EYS: variants seen among roughly 807,000 people sequenced by gnomAD.
EYS encodes EGF-like photoreceptor maintenance factor.
EYS carries 250 observed loss-of-function variants against 282.1 expected under a neutral mutation model. The ratio of observed to expected loss-of-function variants is 0.89; its 90% CI spans 0.80 to 0.98. EYS has a LOEUF of 0.98. EYS is among the 50% of genes least tolerant of loss of function. EYS has a pLI of 0.00. For synonymous variants in EYS, 1,355 were observed against 1,282.9 expected, an observed-to-expected ratio of 1.06 and a Z score of -1.20; for missense variants, 4,016 against 3,709.0, an observed-to-expected ratio of 1.08 and a Z score of -2.15.
intron 22 of EYS, among the ~76,000 whole-genome samples, chr6:64,703,410 C>CACACATATAT (rs1447947508): frequency 9.7e-5 from 5 of 51,532 alleles, no homozygotes; most frequent in African/African-American, 3.8e-4. Flanking sequence ...CACACACACA[C>CACACATATAT]ATATATATAT....
At chr6:65,502,455 T>C (rs185839330) in intron 2 of EYS, among the ~76,000 whole-genome samples, 1 of 151,884 alleles carries the variant, frequency 6.6e-6, no homozygotes, top group African/African-American at 2.4e-5. Flanking sequence ...CCGAATGTTC[T>C]CATGTGTACC....
chr6:63,874,865 T>C (rs772086565), intron 35 of EYS, among the ~76,000 whole-genome samples: 4 of 152,200 alleles, frequency 2.6e-5, no homozygotes, highest in Non-Finnish European at 5.9e-5. Flanking sequence ...CCTAAGGAGA[T>C]TGTGGGCTGA....
intron 33 of EYS, among the ~76,000 whole-genome samples, chr6:64,015,366 T>C (rs1768842681): frequency 6.6e-6 from 1 of 152,170 alleles, no homozygotes; most frequent in African/African-American, 2.4e-5. Flanking sequence ...AAACTAAATA[T>C]TGCAAGGCTC....
chr6:64,172,064 G>A (rs1217824663), intron 31 of EYS, among the ~76,000 whole-genome samples: 1 of 152,124 alleles, frequency 6.6e-6, no homozygotes. Context: ...GTTTTAAGAA[G>A]AGGGATGGCA....
At chr6:65,576,703 T>C (rs371179098) in intron 2 of EYS, among the ~76,000 whole-genome samples, 146 of 151,946 alleles carry the variant, frequency 9.6e-4, no homozygotes, top group African/African-American at 3.4e-3. Flanking sequence ...CCAAAAACTG[T>C]TAGAACTAAT....
chr6:65,559,798 G>A (rs958052850), intron 2 of EYS, among the ~76,000 whole-genome samples: 16 of 151,706 alleles, frequency 1.1e-4, no homozygotes, highest in Non-Finnish European at 2.2e-4. Flanking sequence ...TCCAATTTTT[G>A]AATTTATGGT....
At chr6:63,854,920 A>C (rs1055711083) in intron 36 of EYS, among the ~76,000 whole-genome samples, 1 of 152,198 alleles carries the variant, frequency 6.6e-6, no homozygotes, top group African/African-American at 2.4e-5. Flanking sequence ...TGTAGACCTC[A>C]TGAAACCCAC....
intron 12 of EYS, among the ~76,000 whole-genome samples, chr6:65,286,460 A>C (rs1435656832): frequency 6.6e-6 from 1 of 151,750 alleles, no homozygotes; most frequent in Non-Finnish European, 1.5e-5. Context: ...TTCTTGATTA[A>C]ATTTTTAAAA....
At chr6:65,648,123 T>C (rs1042456156) in intron 1 of EYS, among the ~76,000 whole-genome samples, 9 of 152,186 alleles carry the variant, frequency 5.9e-5, no homozygotes, top group African/African-American at 1.9e-4. Flanking sequence ...ATGTGGAGAT[T>C]CCTTAAAGAA....
intron 19 of EYS, among the ~76,000 whole-genome samples, chr6:64,839,374 G>T (rs1249037892): frequency 6.6e-6 from 1 of 151,812 alleles, no homozygotes; most frequent in Admixed American, 6.6e-5. Flanking sequence ...TCATTACATG[G>T]TCTTTCAGAT....
chr6:63,999,004 A>G, intron 34 of EYS, 71 bp downstream of exon 34: 1 of 923,368 alleles, frequency 1.1e-6, no homozygotes, highest in Non-Finnish European at 1.7e-6. Flanking sequence ...ACTGCTTAGT[A>G]ACATAAAAAA....
intron 35 of EYS, among the ~76,000 whole-genome samples, chr6:63,891,715 C>G (rs1773413372): frequency 1.3e-5 from 2 of 152,066 alleles, no homozygotes; most frequent in Admixed American, 1.3e-4. Flanking sequence ...TTTCTACATA[C>G]TATTGGAAGT....
chr6:63,825,568 G>A (rs1396007522), intron 36 of EYS, among the ~76,000 whole-genome samples: 4 of 152,316 alleles, frequency 2.6e-5, no homozygotes, highest in African/African-American at 7.2e-5. Context: ...CACATTACAG[G>A]AATCTATGCC....
chr6:64,025,367 C>T (rs924547041), intron 33 of EYS, among the ~76,000 whole-genome samples: 37 of 152,222 alleles, frequency 2.4e-4, no homozygotes, highest in Admixed American at 6.5e-4. Context: ...CAGCCATGAG[C>T]GGAACTCTCA....
At chr6:65,024,601 G>A (rs1421862480) in intron 13 of EYS, among the ~76,000 whole-genome samples, 1 of 135,410 alleles carries the variant, frequency 7.4e-6, no homozygotes. Context: ...AGATATTGTA[G>A]GCATTTTCAT....
chr6:65,679,340 A>G (rs2149837483), intron 1 of EYS, among the ~76,000 whole-genome samples: 1 of 152,094 alleles, frequency 6.6e-6, no homozygotes, highest in East Asian at 1.9e-4. Flanking sequence ...GTATGTATAA[A>G]ATAGAATATT....
At chr6:64,231,743 T>A (rs1766432187) in intron 30 of EYS, among the ~76,000 whole-genome samples, 1 of 152,130 alleles carries the variant, frequency 6.6e-6, no homozygotes, top group Non-Finnish European at 1.5e-5. Flanking sequence ...AAGTTTCTCA[T>A]TTTATCAGAA....
chr6:65,607,453 T>C (rs985995412), intron 2 of EYS, among the ~76,000 whole-genome samples: 4 of 151,890 alleles, frequency 2.6e-5, no homozygotes, highest in Non-Finnish European at 5.9e-5. Flanking sequence ...ATTAATAAGA[T>C]TCCTGCTGTA....
intron 40 of EYS, among the ~76,000 whole-genome samples, chr6:63,762,970 C>A (rs1358902263): frequency 6.6e-6 from 1 of 152,042 alleles, no homozygotes; most frequent in African/African-American, 2.4e-5. Context: ...TGTCTCCTAA[C>A]TTCAAGCCTA....
Sources: allele counts gnomAD v4.1 joint callset (sites outside exome capture counted in the v4.1 genomes callset), GRCh38; gene constraint gnomAD v4.1.1; transcripts MANE v1.5; gene names NCBI Gene and HGNC (gene_info 2026-07-23, HGNC 2026-07-21).